The following STAG1 variants were observed in gnomAD, a reference collection of about 807,000 sequenced individuals.
STAG1 encodes STAG1 cohesin complex component.
A neutral mutation model predicts 170.9 loss-of-function variants in STAG1; 26 were observed. The ratio of observed to expected loss-of-function variants is 0.15; its 90% CI spans 0.11 to 0.21. STAG1 has a LOEUF of 0.21. Ranked by LOEUF, STAG1 falls within the 10% of genes least tolerant of loss-of-function variation. The pLI is 1.00. For missense variants in STAG1, 964 were observed against 1,509.5 expected, an observed-to-expected ratio of 0.64 and a Z score of 5.99; for synonymous variants, 514 against 497.7, an observed-to-expected ratio of 1.03 and a Z score of -0.44.
intron 28 of STAG1, among the ~76,000 whole-genome samples, chr3:136,357,174 T>TTC (rs1936691582): frequency 6.6e-6 from 1 of 152,126 alleles, no homozygotes; most frequent in African/African-American, 2.4e-5. Context: ...GGTCTTGATC[T>TTC]TCTGACCTTG....
chr3:136,579,958 ATT>A (rs749325884), intron 4 of STAG1, among the ~76,000 whole-genome samples: 413 of 73,536 alleles, frequency 5.6e-3, no homozygotes, highest in African/African-American at 0.02. Context: ...TACCATCTGA[ATT>A]TTTTTTTTTT....
chr3:136,619,131 T>C (rs1576675522), intron 3 of STAG1, among the ~76,000 whole-genome samples: 1 of 152,152 alleles, frequency 6.6e-6, no homozygotes, highest in African/African-American at 2.4e-5. Context: ...GAAGGACAGC[T>C]GACAATTCTT....
At chr3:136,708,209 G>A (rs1370105348) in intron 1 of STAG1, among the ~76,000 whole-genome samples, 1 of 152,038 alleles carries the variant, frequency 6.6e-6, no homozygotes, top group Admixed American at 6.6e-5. Context: ...GTTAATAGCA[G>A]CATTATTCAT....
At chr3:136,578,312 G>A (rs546487395) in intron 4 of STAG1, among the ~76,000 whole-genome samples, 5 of 152,294 alleles carry the variant, frequency 3.3e-5, no homozygotes, top group African/African-American at 7.2e-5. Flanking sequence ...TATTCACAAC[G>A]TCTTGGCCTG....
At chr3:136,554,810 A>T (rs1434552083) in intron 5 of STAG1, among the ~76,000 whole-genome samples, 1 of 152,038 alleles carries the variant, frequency 6.6e-6, no homozygotes, top group Non-Finnish European at 1.5e-5. Flanking sequence ...TGGGAGGATC[A>T]TTTCTGCCCA....
At chr3:136,486,548 T>C (rs2090016930) in intron 9 of STAG1, among the ~76,000 whole-genome samples, 1 of 152,190 alleles carries the variant, frequency 6.6e-6, no homozygotes, top group Non-Finnish European at 1.5e-5. Context: ...ATTACATTTT[T>C]CCTCTGCTAT....
intron 10 of STAG1, among the ~76,000 whole-genome samples, chr3:136,476,410 A>C (rs942552192): frequency 2.6e-5 from 4 of 152,244 alleles, no homozygotes; most frequent in African/African-American, 9.6e-5. Flanking sequence ...ATAGGCAGTA[A>C]CTGAAGGGCA....
intron 12 of STAG1, among the ~76,000 whole-genome samples, chr3:136,465,340 C>T (rs564104061): frequency 6.6e-6 from 1 of 151,222 alleles, no homozygotes; most frequent in African/African-American, 2.4e-5. Flanking sequence ...CTGCCTCAGC[C>T]TCCTGAGTAG....
At chr3:136,347,415 AAAAG>A (rs1299714839) in intron 29 of STAG1, among the ~76,000 whole-genome samples, 1 of 148,680 alleles carries the variant, frequency 6.7e-6, no homozygotes, top group Non-Finnish European at 1.5e-5. Context: ...AAAAAAAAAA[AAAAG>A]GAAATGCCTG....
chr3:136,560,638 T>C (rs1936801967), intron 5 of STAG1, among the ~76,000 whole-genome samples: 1 of 152,142 alleles, frequency 6.6e-6, no homozygotes. Flanking sequence ...AATTCTGAGG[T>C]TTCCAATGGT....
At chr3:136,356,449 T>C (rs1161908611) in intron 28 of STAG1, among the ~76,000 whole-genome samples, 2 of 151,724 alleles carry the variant, frequency 1.3e-5, no homozygotes, top group East Asian at 2.0e-4. Context: ...GGCATAATCA[T>C]AGCTAAGTGC....
At chr3:136,704,306 C>T (rs1943164699) in intron 1 of STAG1, among the ~76,000 whole-genome samples, 1 of 151,868 alleles carries the variant, frequency 6.6e-6, no homozygotes, top group South Asian at 2.1e-4. Flanking sequence ...CTGACTTGGC[C>T]TCCCAAAGTA....
At chr3:136,405,791 C>CAAAAAAAAAAA (rs34952291) in intron 21 of STAG1, among the ~76,000 whole-genome samples, 6 of 50,096 alleles carry the variant, frequency 1.2e-4, no homozygotes, top group African/African-American at 4.5e-4. Context: ...ACTCTATCTC[C>CAAAAAAAAAAA]AAAAAAAAAA....
intron 9 of STAG1, among the ~76,000 whole-genome samples, chr3:136,497,742 C>A (rs1234201128): frequency 1.3e-5 from 2 of 151,518 alleles, no homozygotes. Context: ...GTACTCCCAG[C>A]TACTTGGGAG....
At chr3:136,512,959 A>T (rs181097362) in intron 7 of STAG1, among the ~76,000 whole-genome samples, 66 of 152,338 alleles carry the variant, frequency 4.3e-4, no homozygotes, top group Admixed American at 4.0e-3. Context: ...AATAAGAAGA[A>T]AAAAGGTTAG....
chr3:136,465,112 T>C, intron 12 of STAG1, 124 bp from the exon 13 acceptor site: 2 of 601,486 alleles, frequency 3.3e-6, no homozygotes, highest in South Asian at 3.4e-5. Flanking sequence ...TCATCTTTTA[T>C]CTTACTTTGA....
At chr3:136,647,732 T>C (rs66739346) in intron 1 of STAG1, among the ~76,000 whole-genome samples, 26,433 of 152,136 alleles carry the variant, frequency 0.17, 3,843 homozygotes, top group African/African-American at 0.41. Flanking sequence ...TTAAAACATA[T>C]AGCCTGTAAT....
chr3:136,743,260 C>T (rs1016248598), intron 1 of STAG1, among the ~76,000 whole-genome samples: 1 of 151,408 alleles, frequency 6.6e-6, no homozygotes, highest in African/African-American at 2.4e-5. Context: ...CCCAGCTACT[C>T]GGGAGGCTGA....
chr3:136,548,274 G>C (rs1252673855), intron 5 of STAG1, among the ~76,000 whole-genome samples: 1 of 151,678 alleles, frequency 6.6e-6, no homozygotes, highest in Non-Finnish European at 1.5e-5. Flanking sequence ...CACCATGCCC[G>C]GGCTAATTTT....
Sources: allele counts gnomAD v4.1 joint callset (sites outside exome capture counted in the v4.1 genomes callset), GRCh38; gene constraint gnomAD v4.1.1; transcripts MANE v1.5; gene names NCBI Gene and HGNC (gene_info 2026-07-23, HGNC 2026-07-21).